ADAMTS12: variants seen among roughly 807,000 people sequenced by gnomAD.
The protein encoded by ADAMTS12 is A disintegrin and metalloproteinase with thrombospondin motifs 12.
In ADAMTS12, 118 loss-of-function variants were observed where a neutral mutation model predicts 167.8. The observed-to-expected ratio is 0.70, with a 90% confidence interval of 0.61 to 0.82. The LOEUF (loss-of-function observed/expected upper bound fraction) is 0.82, where lower values mean the gene tolerates loss of function less well. ADAMTS12 is among the 40% of genes least tolerant of loss of function. The pLI is 0.00. For synonymous variants in ADAMTS12, 704 were observed against 716.9 expected (o/e 0.98, Z 0.29); for missense variants, 1,916 against 1,998.8 (o/e 0.96, Z 0.79).
chr5:33,596,800 T>C (rs1017939891), intron 16 of ADAMTS12, among the ~76,000 whole-genome samples: 1 of 152,244 alleles, frequency 6.6e-6, no homozygotes, highest in East Asian at 1.9e-4. Context: ...TATTAGTTGA[T>C]GTCAGTAAAT....
At chr5:33,536,034 C>T (rs114714912) in intron 22 of ADAMTS12, among the ~76,000 whole-genome samples, 25 of 152,310 alleles carry the variant, frequency 1.6e-4, no homozygotes, top group African/African-American at 5.8e-4. Flanking sequence ...AAGCAGTTTA[C>T]ATAAGATTCT....
At chr5:33,535,709 T>G (rs25755) in intron 22 of ADAMTS12, among the ~76,000 whole-genome samples, 106,949 of 152,010 alleles carry the variant, frequency 0.7, 38,862 homozygotes, top group African/African-American at 0.88. Context: ...TTCATATCTG[T>G]GTCGTGGTAC....
At chr5:33,698,634 C>T (rs958900345) in intron 3 of ADAMTS12, among the ~76,000 whole-genome samples, 14 of 152,248 alleles carry the variant, frequency 9.2e-5, no homozygotes, top group Non-Finnish European at 1.6e-4. Flanking sequence ...AGCCCCATTA[C>T]ATTTTAAAAA....
At chr5:33,874,497 C>T (rs1263449444) in intron 2 of ADAMTS12, among the ~76,000 whole-genome samples, 2 of 152,172 alleles carry the variant, frequency 1.3e-5, no homozygotes, top group African/African-American at 4.8e-5. Context: ...CAAAATAGTG[C>T]AGCCACTTTG....
At chr5:33,829,223 G>A (rs1345563506) in intron 2 of ADAMTS12, among the ~76,000 whole-genome samples, 1 of 152,092 alleles carries the variant, frequency 6.6e-6, no homozygotes, top group East Asian at 1.9e-4. Context: ...CCCCAAGCTG[G>A]CGTTCCTGAA....
At chr5:33,560,849 A>G (rs927676390) in intron 20 of ADAMTS12, among the ~76,000 whole-genome samples, 178 bp downstream of exon 20, 22 of 151,366 alleles carry the variant, frequency 1.5e-4, no homozygotes, top group Non-Finnish European at 3.2e-4. Flanking sequence ...CAGCACACCA[A>G]CATGACACAT....
At chr5:33,758,292 T>C (rs188961573) in intron 2 of ADAMTS12, among the ~76,000 whole-genome samples, 123 of 152,120 alleles carry the variant, frequency 8.1e-4, no homozygotes, top group African/African-American at 2.8e-3. Context: ...CTGGTGAAAC[T>C]CAAATAGGCA....
At chr5:33,572,019 A>G (rs1286680572) in intron 19 of ADAMTS12, among the ~76,000 whole-genome samples, 2 of 152,204 alleles carry the variant, frequency 1.3e-5, no homozygotes, top group Non-Finnish European at 2.9e-5. Context: ...AAATTCCTCG[A>G]CACATACACT....
intron 2 of ADAMTS12, among the ~76,000 whole-genome samples, chr5:33,849,341 G>A (rs1749101454): frequency 7.4e-6 from 1 of 134,426 alleles, no homozygotes; most frequent in Non-Finnish European, 1.6e-5. Context: ...GTATTGAATA[G>A]CAATATATAT....
At chr5:33,853,771 G>A (rs565826155) in intron 2 of ADAMTS12, among the ~76,000 whole-genome samples, 1 of 152,348 alleles carries the variant, frequency 6.6e-6, no homozygotes, top group South Asian at 2.1e-4. Flanking sequence ...ATGGGTCAAT[G>A]CTTCTCAAAT....
chr5:33,835,492 C>G (rs933355849), intron 2 of ADAMTS12, among the ~76,000 whole-genome samples: 2 of 152,208 alleles, frequency 1.3e-5, no homozygotes, highest in Admixed American at 1.3e-4. Context: ...GTTCTGGAGG[C>G]TGGCAAGTCC....
At chr5:33,701,661 G>GT (rs1743008912) in intron 3 of ADAMTS12, among the ~76,000 whole-genome samples, 1 of 152,132 alleles carries the variant, frequency 6.6e-6, no homozygotes, top group African/African-American at 2.4e-5. Context: ...CATGGCAAAG[G>GT]TATCTTGAGA....
rs763501455 is a variant in ADAMTS12, at chr5:33,724,545, CT to C, written c.634+26858del. Among the ~76,000 whole-genome samples the C allele has an allele frequency of 7.2e-3, 952 of 132,678 alleles. 2 individuals carry two copies. The highest frequency in any genetic ancestry group is 0.016 in the Middle Eastern group (4 of 256). The allele number at this position is 132,678 out of a possible 152,430, so 87.0% of individuals were successfully genotyped here. ...GCTTGGTCATCAAGGCTAACAGCTT[CT>C]TTTTTTTTTTTTTTTTTTAATTTGA... On this transcript the variant is annotated intron_variant, in intron 3 of 23. Transcript: ENST00000504830.
At chr5:33,805,656 T>C (rs961307591) in intron 2 of ADAMTS12, among the ~76,000 whole-genome samples, 1 of 152,214 alleles carries the variant, frequency 6.6e-6, no homozygotes, top group Non-Finnish European at 1.5e-5. Context: ...TATTTTTGTG[T>C]CTACTTTGAT....
chr5:33,683,904 A>G lies in ADAMTS12; in HGVS notation c.786T>C (p.His262=). 1 of 1,601,418 alleles carries G rather than the reference A, an allele frequency of 6.2e-7. No homozygotes were observed. The highest frequency in any genetic ancestry group is 8.5e-7 in the Non-Finnish European group (1 of 1,173,920). Residue 262 remains histidine, a synonymous_variant, in exon 4 of 24, where the codon CAT becomes CAC. Transcript: ENST00000504830. The stretch of plus-strand genomic sequence containing the variant: ...TGTAGGACTCCACATTCTCACTCCC[A>G]TGGTATTCAATCATCTTTGTGTCGG... ...VVADTKMIEY[H]GSENVESYIL... is the part of the protein sequence containing the mutation.
At chr5:33,723,667 A>C (rs1743878982) in intron 3 of ADAMTS12, among the ~76,000 whole-genome samples, 1 of 152,138 alleles carries the variant, frequency 6.6e-6, no homozygotes, top group African/African-American at 2.4e-5. Context: ...CACAACATGG[A>C]GTGGTGTGTG....
intron 3 of ADAMTS12, among the ~76,000 whole-genome samples, chr5:33,724,040 G>C (rs1743892893): frequency 6.6e-6 from 1 of 152,204 alleles, no homozygotes; most frequent in African/African-American, 2.4e-5. Flanking sequence ...ACAAGCACAA[G>C]CTGGATCCAG....
At chr5:33,592,872 T>C (rs530353757) in intron 17 of ADAMTS12, among the ~76,000 whole-genome samples, 70 of 152,330 alleles carry the variant, frequency 4.6e-4, no homozygotes, top group Non-Finnish European at 7.5e-4. Flanking sequence ...TTAGAGATCA[T>C]GGAAATTCGG....
chr5:33,595,244 T>C (rs11957897), intron 17 of ADAMTS12, among the ~76,000 whole-genome samples: 3,231 of 152,168 alleles, frequency 0.021, 125 homozygotes, highest in African/African-American at 0.074. Context: ...TGAACCAATG[T>C]GATTAGCAAC....
Sources: gnomAD v4.1 joint callset for allele counts (sites outside exome capture counted in the v4.1 genomes callset) on GRCh38, gnomAD v4.1.1 for gene constraint, MANE v1.5 for transcripts, NCBI Gene and HGNC (gene_info 2026-07-23, HGNC 2026-07-21) for gene names.